TSHZ2: variants seen among roughly 807,000 people sequenced by gnomAD.
TSHZ2 encodes the protein teashirt homolog 2.
Under a neutral mutation model 74.4 loss-of-function variants are expected in TSHZ2, and 21 were observed. That is an observed-to-expected ratio of 0.28 (90% CI 0.20 to 0.41). The LOEUF (loss-of-function observed/expected upper bound fraction) is 0.41, where lower values mean the gene tolerates loss of function less well. Among genes scored for constraint, TSHZ2 ranks in the 10% least tolerant of loss-of-function variants. The pLI is 1.00. For missense variants in TSHZ2, 1,244 were observed against 1,293.5 expected (o/e 0.96, Z 0.59); for synonymous variants, 540 against 515.3 (o/e 1.05, Z -0.65).
chr20:53,105,573 A>G (rs1239592562), intron 1 of TSHZ2, among the ~76,000 whole-genome samples: 1 of 151,810 alleles, frequency 6.6e-6, no homozygotes, highest in Non-Finnish European at 1.5e-5. Context: ...TTTAACCTCC[A>G]CTTATCATTC....
intron 1 of TSHZ2, among the ~76,000 whole-genome samples, chr20:53,048,362 C>G (rs1984305831): frequency 6.6e-6 from 1 of 152,114 alleles, no homozygotes; most frequent in African/African-American, 2.4e-5. Flanking sequence ...AACTGCTTTT[C>G]TTCAAAATCA....
intron 1 of TSHZ2, among the ~76,000 whole-genome samples, chr20:53,128,028 T>C (rs1986995035): frequency 2.6e-5 from 1 of 38,404 alleles, no homozygotes; most frequent in African/African-American, 2.4e-4. Flanking sequence ...TGGCTGTTTT[T>C]GGCTGGTCAC....
chr20:53,053,581 GTA>G (rs10566003), intron 1 of TSHZ2, among the ~76,000 whole-genome samples: 104,623 of 149,914 alleles, frequency 0.7, 37,220 homozygotes, highest in East Asian at 0.95. Context: ...ATATGTGTGT[GTA>G]TATATATATA....
intron 1 of TSHZ2, among the ~76,000 whole-genome samples, chr20:52,981,380 C>T (rs893529904): frequency 6.6e-6 from 1 of 152,170 alleles, no homozygotes; most frequent in African/African-American, 2.4e-5. Context: ...AATCTCTGCC[C>T]TCCACTTTCT....
At chr20:53,231,903 A>G (rs377066645) in intron 1 of TSHZ2, among the ~76,000 whole-genome samples, 24 of 152,094 alleles carry the variant, frequency 1.6e-4, no homozygotes, top group South Asian at 8.3e-4. Flanking sequence ...TTTTTTTTCT[A>G]GAGGAGGGTC....
chr20:53,473,909 G>A (rs535611650), intron 2 of TSHZ2, among the ~76,000 whole-genome samples: 10 of 152,288 alleles, frequency 6.6e-5, no homozygotes, highest in East Asian at 3.9e-4. Context: ...GGGTATCAGC[G>A]ATGGAAGATG....
At position 53,396,804 on chromosome 20, in the gene TSHZ2, C is replaced by T. The variant is rs565251127; in HGVS notation, c.*9-90340C>T. On this transcript the variant is annotated intron_variant, in intron 2 of 2. Transcript: ENST00000371497. ...TGAAGGCTACAGTGAGCCAAGATGG[C>T]GCCACTGCACTCCATCCAGTCTGAG... is the stretch of plus-strand genomic sequence containing the variant. Among the ~76,000 whole-genome samples the T allele has an allele frequency of 3.1e-4, 47 of 149,816 alleles. No homozygotes were observed. The South Asian group carries it at 3.6e-3, about 12-fold the overall frequency.
chr20:52,987,740 G>T (rs980806892), intron 1 of TSHZ2, among the ~76,000 whole-genome samples: 1 of 152,140 alleles, frequency 6.6e-6, no homozygotes, highest in Non-Finnish European at 1.5e-5. Flanking sequence ...GCCCAGAAAA[G>T]TCTTCAATTA....
chr20:53,146,494 G>A lies in TSHZ2; in HGVS notation c.41-107005G>A, dbSNP rs908902519. On this transcript the variant is annotated intron_variant, in intron 1 of 2. Transcript: ENST00000371497. ...GGAGGCCTTTGAAATGAGCTTTCGC[G>A]CGTGAGTAATGACCTTCAGGATGTG... Among the ~76,000 whole-genome samples the A allele has an allele frequency of 9.2e-5, 14 of 152,156 alleles. 1 individual carries two copies. The highest frequency in any genetic ancestry group is 4.2e-4 in the South Asian group (2 of 4,818).
intron 2 of TSHZ2, among the ~76,000 whole-genome samples, chr20:53,321,747 T>C (rs1027508347): frequency 7.2e-6 from 1 of 139,018 alleles, no homozygotes; most frequent in Non-Finnish European, 1.5e-5. Context: ...TGAAGGGAGG[T>C]GGAGACACCA....
At chr20:53,138,768 C>T (rs1482229329) in intron 1 of TSHZ2, among the ~76,000 whole-genome samples, 1 of 152,188 alleles carries the variant, frequency 6.6e-6, no homozygotes, top group Non-Finnish European at 1.5e-5. Flanking sequence ...CATTCAACAC[C>T]TGATGTTCTG....
intron 2 of TSHZ2, among the ~76,000 whole-genome samples, chr20:53,305,910 G>A (rs577630510): frequency 1.4e-4 from 21 of 151,980 alleles, no homozygotes; most frequent in South Asian, 8.3e-4. Context: ...CCCGGGAGGC[G>A]GAGGCTGCAG....
intron 2 of TSHZ2, among the ~76,000 whole-genome samples, chr20:53,321,656 C>A (rs1979269134): frequency 8.3e-6 from 1 of 121,032 alleles, no homozygotes; most frequent in African/African-American, 3.2e-5. Flanking sequence ...TGCACTCCAG[C>A]CTGGGCAACA....
At chr20:53,450,411 T>C (rs1387672287) in intron 2 of TSHZ2, among the ~76,000 whole-genome samples, 4 of 152,272 alleles carry the variant, frequency 2.6e-5, no homozygotes, top group African/African-American at 9.6e-5. Flanking sequence ...CCCTAACTTT[T>C]CTTGAACTCA....
Position 53,190,117 on chromosome 20 carries a change from ATATATATATATATATATATATT to A in TSHZ2, c.41-63380_41-63359del, listed in dbSNP as rs1180064452. 3.0e-4 allele frequency among the ~76,000 whole-genome samples: 25 copies of A among 84,258 alleles called. 1 individual carries two copies. The highest frequency in any genetic ancestry group is 1.3e-3 in the African/African-American group (23 of 17,818). 55.3% of individuals were successfully genotyped at this position (84,258 alleles called of 152,430 possible). ...TATATATATATATATATATATATAT[ATATATATATATATATATATATT>A]TTCTTAAATGCCTCTGTTTCTTTTT... On this transcript the variant is annotated intron_variant, in intron 1 of 2. Coordinates refer to ENST00000371497, the MANE Select transcript of TSHZ2 (RefSeq NM_173485.6).
chr20:53,441,566 G>A (rs1422802403), intron 2 of TSHZ2, among the ~76,000 whole-genome samples: 6 of 151,268 alleles, frequency 4.0e-5, no homozygotes, highest in East Asian at 2.0e-4. Flanking sequence ...TATTACAAGC[G>A]TGAGCCACCA....
At position 53,003,856 on chromosome 20, in the gene TSHZ2, A is replaced by T. The variant is rs1226634982; in HGVS notation, c.40+30523A>T. 4.6e-5 allele frequency among the ~76,000 whole-genome samples: 7 copies of T among 152,066 alleles called. No homozygotes were observed. In the East Asian group the frequency reaches 1.4e-3, roughly 29 times the overall value. On this transcript the variant is annotated intron_variant, in intron 1 of 2. Transcript: ENST00000371497. ...AAAATATTTCCTGGCTGCACAAGCA[A>T]TTCTTTCTTTCCTTCTCTTTCCTTC...
At chr20:53,065,319 T>G (rs887715484) in intron 1 of TSHZ2, among the ~76,000 whole-genome samples, 4 of 152,202 alleles carry the variant, frequency 2.6e-5, no homozygotes, top group African/African-American at 9.7e-5. Flanking sequence ...TTTGGACATG[T>G]TACCAGATCT....
intron 2 of TSHZ2, among the ~76,000 whole-genome samples, chr20:53,259,375 C>T (rs6013652): frequency 0.21 from 31,483 of 152,108 alleles, 3,722 homozygotes; most frequent in African/African-American, 0.32. Flanking sequence ...TGCAACTTTT[C>T]GTTAAAAATT....
Sources: gnomAD v4.1 joint callset for allele counts (sites outside exome capture counted in the v4.1 genomes callset) on GRCh38, gnomAD v4.1.1 for gene constraint, MANE v1.5 for transcripts, NCBI Gene and HGNC (gene_info 2026-07-23, HGNC 2026-07-21) for gene names.